The following IL17RD variants were observed in gnomAD, a reference collection of about 807,000 sequenced individuals.
IL17RD encodes the protein interleukin-17 receptor D.
Under a neutral mutation model 80.5 loss-of-function variants are expected in IL17RD, and 52 were observed. The observed-to-expected ratio is 0.65, with a 90% CI of 0.52 to 0.81. The LOEUF (loss-of-function observed/expected upper bound fraction) is 0.81, where lower values mean the gene tolerates loss of function less well. Ranked by LOEUF, IL17RD falls within the 40% of genes least tolerant of loss-of-function variation. IL17RD has a pLI of 0.00. For missense variants in IL17RD, 1,024 were observed against 955.1 expected (o/e 1.07, Z -0.95); for synonymous variants, 416 against 391.8 (o/e 1.06, Z -0.73).
intron 1 of IL17RD, 81 bp from the exon 2 acceptor site, chr3:57,120,394 A>G (rs1707308454): frequency 5.1e-6 from 5 of 975,130 alleles, no homozygotes; most frequent in Admixed American, 1.8e-5. Flanking sequence ...TCCAAATGCA[A>G]GCAGCACTGC....
intron 1 of IL17RD, among the ~76,000 whole-genome samples, chr3:57,143,319 A>G (rs1395226515): frequency 6.6e-6 from 1 of 151,646 alleles, no homozygotes; most frequent in East Asian, 1.9e-4. Flanking sequence ...TCAGTGCTGG[A>G]GGGACCTATC....
At chr3:57,112,365 G>T (rs1477622209) in intron 3 of IL17RD, among the ~76,000 whole-genome samples, 1 of 152,262 alleles carries the variant, frequency 6.6e-6, no homozygotes, top group African/African-American at 2.4e-5. Flanking sequence ...TCGAACCCAG[G>T]AAGTGTCTGG....
At chr3:57,156,343 C>T (rs1057237548) in intron 1 of IL17RD, among the ~76,000 whole-genome samples, 10 of 152,170 alleles carry the variant, frequency 6.6e-5, no homozygotes, top group East Asian at 1.9e-4. Flanking sequence ...GTGGGCAGAT[C>T]GCTTGAGGCC....
chr3:57,147,609 C>T (rs1707959196), intron 1 of IL17RD, among the ~76,000 whole-genome samples: 1 of 152,148 alleles, frequency 6.6e-6, no homozygotes, highest in Non-Finnish European at 1.5e-5. Context: ...TTCATAGCAG[C>T]TTTGTAACAG....
chr3:57,111,435 G>A (rs1268632351), intron 3 of IL17RD, among the ~76,000 whole-genome samples: 2 of 152,194 alleles, frequency 1.3e-5, no homozygotes, highest in Non-Finnish European at 2.9e-5. Flanking sequence ...AAAGCTTCCT[G>A]TGGGGGTGAA....
intron 7 of IL17RD, 55 bp from the exon 8 acceptor site, chr3:57,104,462 G>A (rs1706908134): frequency 8.5e-7 from 1 of 1,171,796 alleles, no homozygotes; most frequent in African/African-American, 1.5e-5. Flanking sequence ...AAGGTCTTCA[G>A]GACACCTCTT....
chr3:57,151,478 T>C (rs1388134110), intron 1 of IL17RD, among the ~76,000 whole-genome samples: 1 of 152,192 alleles, frequency 6.6e-6, no homozygotes, highest in Non-Finnish European at 1.5e-5. Flanking sequence ...TCATATGTCT[T>C]GGAGAGTTTC....
chr3:57,125,537 A>G (rs1190277524), intron 1 of IL17RD, among the ~76,000 whole-genome samples: 1 of 152,240 alleles, frequency 6.6e-6, no homozygotes, highest in Non-Finnish European at 1.5e-5. Flanking sequence ...CTTCCCAAGA[A>G]GGTTACTGCC....
rs1706556475 is a variant in IL17RD, at chr3:57,091,596, A to AGAAT, written c.*4793_*4796dup. The AGAAT allele has an allele frequency of 6.5e-6, 1 of 152,676 alleles. No homozygotes were observed. Among genetic ancestry groups the AGAAT allele is most frequent in the Non-Finnish European group, 1.5e-5 (1 of 68,046 alleles). The allele number at this position is 152,676 out of a possible 1,614,324, so 9.5% of individuals were successfully genotyped here. ...GGCCCCTGGAAAACAAGAGCCATGAAGAATGGTTTAAGTGGGTGGAATTAT... is the reference window on the plus strand; with the variant it reads ...GGCCCCTGGAAAACAAGAGCCATGAAGAATGAATGGTTTAAGTGGGTGGAATTAT... On this transcript the variant is annotated 3_prime_UTR_variant, in exon 13 of 13. Coordinates refer to ENST00000296318, the MANE Select transcript of IL17RD (RefSeq NM_017563.5).
At chr3:57,134,778 T>A (rs1219347232) in intron 1 of IL17RD, 2 of 444,914 alleles carry the variant, frequency 4.5e-6, no homozygotes, top group Admixed American at 3.4e-5. Context: ...GATCAACCAC[T>A]AAAATAAAAC....
At chr3:57,154,281 T>TACACACACACACACACACAC (rs1333665315) in intron 1 of IL17RD, among the ~76,000 whole-genome samples, 7 of 133,122 alleles carry the variant, frequency 5.3e-5, no homozygotes, top group African/African-American at 1.9e-4. Flanking sequence ...TATATATATA[T>TACACACACACACACACACAC]ATACACACAC....
intron 1 of IL17RD, among the ~76,000 whole-genome samples, chr3:57,154,931 G>C (rs1406102466): frequency 6.6e-6 from 1 of 152,154 alleles, no homozygotes; most frequent in Non-Finnish European, 1.5e-5. Flanking sequence ...AAAAAGCCCG[G>C]GAAGTCACTG....
chr3:57,163,835 TCATAGCCGTCTC>T (rs1333552970), intron 1 of IL17RD, among the ~76,000 whole-genome samples: 1 of 124,276 alleles, frequency 8.0e-6, no homozygotes, highest in Non-Finnish European at 1.6e-5. Context: ...AGAGCAGGGG[TCATAGCCGTCTC>T]CATAGCTTAG....
At chr3:57,103,226 A>G (rs1346578748) in intron 8 of IL17RD, 81 bp from the exon 9 acceptor site, 1 of 1,243,264 alleles carries the variant, frequency 8.0e-7, no homozygotes, top group Admixed American at 2.0e-5. Flanking sequence ...AATTTCATTC[A>G]TCTTTTCCAT....
chr3:57,157,342 C>T (rs1257894997), intron 1 of IL17RD, among the ~76,000 whole-genome samples: 2 of 152,120 alleles, frequency 1.3e-5, no homozygotes, highest in African/African-American at 4.8e-5. Flanking sequence ...GTGCTCGGTA[C>T]TGTGGCCCCA....
chr3:57,098,301 A>G lies in IL17RD; in HGVS notation c.1402T>C (p.Ser468Pro), dbSNP rs1706742916. The G allele has an allele frequency of 6.2e-7, 1 of 1,613,912 alleles. No homozygotes were observed. Among genetic ancestry groups the G allele is most frequent in the Admixed American group, 1.7e-5 (1 of 60,012 alleles). The change falls in exon 12 of 13, where the codon TCG becomes CCG. Residue 468 changes from serine to proline, a missense_variant. Ser to Pro is a moderately conservative substitution (Grantham distance 74, BLOSUM62 -1). Transcript: ENST00000296318. ...ATAAACTTGCTGAGCGCCGCGGACG[A>G]ACTCTGCTTGGCCTGGCGGAGCTTT... Reference protein sequence around the residue: ...AEKLRQAKQSSSAALSKFIAV... With the variant: ...AEKLRQAKQSPSAALSKFIAV...
At chr3:57,154,229 A>G (rs2060251228) in intron 1 of IL17RD, among the ~76,000 whole-genome samples, 1 of 150,402 alleles carries the variant, frequency 6.6e-6, no homozygotes, top group South Asian at 2.1e-4. Flanking sequence ...GGCCTGAGTG[A>G]CAGAGTGAGA....
intron 1 of IL17RD, among the ~76,000 whole-genome samples, chr3:57,148,428 T>A (rs1043312477): frequency 1.3e-5 from 2 of 152,150 alleles, no homozygotes; most frequent in Non-Finnish European, 2.9e-5. Context: ...TTAAATCAGA[T>A]TAACAAAACC....
intron 1 of IL17RD, among the ~76,000 whole-genome samples, chr3:57,139,823 C>G (rs900734395): frequency 1.3e-5 from 2 of 152,096 alleles, no homozygotes; most frequent in African/African-American, 4.8e-5. Flanking sequence ...GGCTGAAAAC[C>G]TTTTTGATTA....
Sources: gnomAD v4.1 joint callset for allele counts (sites outside exome capture counted in the v4.1 genomes callset) on GRCh38, gnomAD v4.1.1 for gene constraint, MANE v1.5 for transcripts, NCBI Gene and HGNC (gene_info 2026-07-23, HGNC 2026-07-21) for gene names.